RBFOX1: variants seen among roughly 807,000 people sequenced by gnomAD.
RBFOX1 encodes the protein RNA binding protein fox-1 homolog 1.
RBFOX1 carries 8 observed loss-of-function variants against 57.7 expected under a neutral mutation model. The observed-to-expected ratio is 0.14, with a 90% CI of 0.08 to 0.25. RBFOX1 has a LOEUF of 0.25. Among genes scored for constraint, RBFOX1 ranks in the 10% least tolerant of loss-of-function variants. RBFOX1 has a pLI of 1.00. For missense variants in RBFOX1, 611 were observed against 548.5 expected (o/e 1.11, Z -1.14); for synonymous variants, 326 against 222.4 (o/e 1.47, Z -4.15).
intron 1 of RBFOX1, among the ~76,000 whole-genome samples, chr16:6,147,518 C>G (rs2096767564): frequency 6.6e-6 from 1 of 152,108 alleles, no homozygotes; most frequent in South Asian, 2.1e-4. Context: ...CACATATGTA[C>G]CCATGTTGAA....
At chr16:5,770,828 G>A (rs1174628443) in intron 3 of RBFOX1, among the ~76,000 whole-genome samples, 1 of 152,200 alleles carries the variant, frequency 6.6e-6, no homozygotes, top group Non-Finnish European at 1.5e-5. Context: ...TCTATGCCAA[G>A]CCCATGACAG....
chr16:7,156,078 C>T (rs2077058032), intron 4 of RBFOX1, among the ~76,000 whole-genome samples: 1 of 151,998 alleles, frequency 6.6e-6, no homozygotes, highest in African/African-American at 2.4e-5. Context: ...CACCATGTTG[C>T]TCAGGGTGGT....
chr16:6,807,539 G>A (rs572974276), intron 3 of RBFOX1, among the ~76,000 whole-genome samples: 15 of 151,964 alleles, frequency 9.9e-5, no homozygotes, highest in African/African-American at 2.7e-4. Context: ...ATACTATGGC[G>A]GAGTGTGGTG....
At chr16:7,196,159 G>A (rs568203231) in intron 4 of RBFOX1, among the ~76,000 whole-genome samples, 1 of 152,102 alleles carries the variant, frequency 6.6e-6, no homozygotes, top group South Asian at 2.1e-4. Context: ...AACAGGCTTG[G>A]CCCAATAATT....
chr16:5,873,155 CAAAG>C (rs940336734), intron 4 of RBFOX1, among the ~76,000 whole-genome samples: 39 of 149,102 alleles, frequency 2.6e-4, no homozygotes, highest in South Asian at 2.1e-3. Flanking sequence ...CATCTCAAAA[CAAAG>C]AAACAAACAA....
rs151210547 is a variant in RBFOX1 at position 6,661,340 on chromosome 16, C to G, written c.-16+6690C>G. 5.5e-3 allele frequency among the ~76,000 whole-genome samples: 834 copies of G among 152,136 alleles called. 9 individuals carry two copies. The highest frequency in any genetic ancestry group is 5.8e-3 in the Non-Finnish European group (397 of 68,014). Reference sequence around the variant, plus strand: ...CCTCCTGGCAGAGGGAACAGAATGGCGAGGACAAGACGGTGTAGAGAACAT... The same window carrying G: ...CCTCCTGGCAGAGGGAACAGAATGGGGAGGACAAGACGGTGTAGAGAACAT... On this transcript the variant is annotated intron_variant, in intron 3 of 15. Transcript: ENST00000550418.
intron 3 of RBFOX1, among the ~76,000 whole-genome samples, chr16:6,965,709 A>T (rs772816514): frequency 6.6e-6 from 1 of 152,186 alleles, no homozygotes; most frequent in Non-Finnish European, 1.5e-5. Context: ...TAAAAAGTAG[A>T]TGTGATTGGC....
chr16:5,588,448 A>G (rs952502298), intron 2 of RBFOX1, among the ~76,000 whole-genome samples: 1 of 152,234 alleles, frequency 6.6e-6, no homozygotes, highest in African/African-American at 2.4e-5. Context: ...GGGGTCATGT[A>G]TTGAAGCACA....
At position 7,445,832 on chromosome 16, in the gene RBFOX1, C is replaced by G. The variant is rs148138325; in HGVS notation, c.28-72315C>G. On this transcript the variant is annotated intron_variant, in intron 4 of 15. Coordinates refer to ENST00000550418, the MANE Select transcript of RBFOX1 (RefSeq NM_018723.4). Reference sequence around the variant, plus strand: ...CAACAAATATTTATAGAACCTTTATCTCAATATTTGCTCATTGAAGTGGGT... The same window carrying G: ...CAACAAATATTTATAGAACCTTTATGTCAATATTTGCTCATTGAAGTGGGT... Among the ~76,000 whole-genome samples the G allele has an allele frequency of 1.1e-3, 169 of 152,244 alleles. 1 individual carries two copies. The highest frequency in any genetic ancestry group is 3.9e-3 in the African/African-American group (160 of 41,538).
intron 1 of RBFOX1, among the ~76,000 whole-genome samples, chr16:5,251,767 G>C (rs1157494991): frequency 9.0e-3 from 2 of 222 alleles, no homozygotes; most frequent in African/African-American, 0.011. Context: ...TGGTTGTGTA[G>C]CTGCAACATG....
At position 7,330,548 on chromosome 16, in the gene RBFOX1, A is replaced by AGG. The variant is rs1180282300; in HGVS notation, c.28-187599_28-187598insGG. 1.3e-3 allele frequency among the ~76,000 whole-genome samples: 187 copies of AGG among 149,248 alleles called. 1 individual carries two copies. Among genetic ancestry groups the AGG allele is most frequent in the African/African-American group, 4.5e-3 (178 of 39,996 alleles). On this transcript the variant is annotated intron_variant, in intron 4 of 15. Coordinates refer to ENST00000550418, the MANE Select transcript of RBFOX1 (RefSeq NM_018723.4). ...TGTAGAGAGAGAGAGAGAGAGAGAG[A>AGG]AAGTTACATAAATACAATGGATCAC...
At chr16:6,210,949 C>T (rs376389068) in intron 1 of RBFOX1, among the ~76,000 whole-genome samples, 1 of 152,164 alleles carries the variant, frequency 6.6e-6, no homozygotes, top group African/African-American at 2.4e-5. Context: ...GGGGGCCTTG[C>T]ATTCCAAGTG....
At chr16:7,567,636 T>C (rs1282283882) in intron 5 of RBFOX1, among the ~76,000 whole-genome samples, 1 of 73,054 alleles carries the variant, frequency 1.4e-5, no homozygotes, top group East Asian at 4.7e-4. Flanking sequence ...TATATATATA[T>C]CCCTATATAT....
rs191260834 is a variant in RBFOX1, at chr16:6,971,916, G to A, written c.-15-80141G>A. On this transcript the variant is annotated intron_variant, in intron 3 of 15. Transcript: ENST00000550418. ...ATCAGCAGCCTCAGTGGGGTGGTGAGATGGGAACTGGACCGACTTGAGATG... is the reference window on the plus strand; with the variant it reads ...ATCAGCAGCCTCAGTGGGGTGGTGAAATGGGAACTGGACCGACTTGAGATG... 2.8e-3 allele frequency among the ~76,000 whole-genome samples: 431 copies of A among 152,222 alleles called. 3 individuals carry two copies. Among genetic ancestry groups the A allele is most frequent in the Middle Eastern group, 0.017 (5 of 294 alleles).
At chr16:6,631,407 T>C (rs1392830256) in intron 2 of RBFOX1, among the ~76,000 whole-genome samples, 1 of 150,622 alleles carries the variant, frequency 6.6e-6, no homozygotes, top group Non-Finnish European at 1.5e-5. Flanking sequence ...TTATGAAACA[T>C]ATTTTTTTTT....
chr16:6,074,273 C>G (rs1027339171), intron 1 of RBFOX1, among the ~76,000 whole-genome samples: 1 of 152,240 alleles, frequency 6.6e-6, no homozygotes, highest in African/African-American at 2.4e-5. Flanking sequence ...CTCTCCCCCT[C>G]TCTGTTTCTT....
At chr16:5,371,293 A>C (rs1434500058) in intron 1 of RBFOX1, among the ~76,000 whole-genome samples, 1 of 152,150 alleles carries the variant, frequency 6.6e-6, no homozygotes, top group Non-Finnish European at 1.5e-5. Flanking sequence ...TGAGGCCCTT[A>C]AGAAGGGCCC....
chr16:6,388,819 C>T (rs573045807), intron 2 of RBFOX1, among the ~76,000 whole-genome samples: 14 of 152,304 alleles, frequency 9.2e-5, no homozygotes, highest in South Asian at 2.1e-4. Context: ...GCTAAATAAA[C>T]TAAGCCAGGC....
chr16:5,931,019 T>C (rs2059044167), intron 4 of RBFOX1, among the ~76,000 whole-genome samples: 1 of 151,840 alleles, frequency 6.6e-6, no homozygotes. Context: ...GTTGAATGGA[T>C]GGATAGATGA....
Sources: allele counts gnomAD v4.1 joint callset (sites outside exome capture counted in the v4.1 genomes callset), GRCh38; gene constraint gnomAD v4.1.1; transcripts MANE v1.5; gene names NCBI Gene and HGNC (gene_info 2026-07-23, HGNC 2026-07-21).